The following EFCAB6 variants were observed in gnomAD, a reference collection of about 807,000 sequenced individuals.
EFCAB6 encodes EF-hand calcium-binding domain-containing protein 6.
EFCAB6 carries 156 observed loss-of-function variants against 169.8 expected under a neutral mutation model. The ratio of observed to expected loss-of-function variants is 0.92; its 90% CI spans 0.81 to 1.05. The LOEUF is 1.05. Among genes scored for constraint, EFCAB6 ranks in the 50% least tolerant of loss-of-function variants. The probability of loss-of-function intolerance (pLI) is 0.00; values close to 1 mark genes in which losing one functional copy is unlikely to be tolerated. For synonymous variants in EFCAB6, 698 were observed against 676.4 expected (o/e 1.03, Z -0.50); for missense variants, 1,800 against 1,829.1 (o/e 0.98, Z 0.29).
intron 4 of EFCAB6, among the ~76,000 whole-genome samples, chr22:43,765,716 A>G (rs1488273637): frequency 3.9e-5 from 6 of 152,244 alleles, no homozygotes; most frequent in Non-Finnish European, 5.9e-5. Context: ...TGTTACACAT[A>G]TAATACATAT....
At chr22:43,694,842 T>C (rs2058517125) in intron 10 of EFCAB6, among the ~76,000 whole-genome samples, 1 of 151,844 alleles carries the variant, frequency 6.6e-6, no homozygotes, top group Admixed American at 6.6e-5. Flanking sequence ...ACAAAAACAA[T>C]CCATTGCTAA....
chr22:43,786,923 T>C (rs942022559), intron 2 of EFCAB6, among the ~76,000 whole-genome samples: 1 of 152,014 alleles, frequency 6.6e-6, no homozygotes, highest in Non-Finnish European at 1.5e-5. Flanking sequence ...TCAATTAATG[T>C]GATAAACCAT....
intron 21 of EFCAB6, among the ~76,000 whole-genome samples, chr22:43,611,607 GGAAACATGGC>G (rs1327915568): frequency 2.6e-5 from 4 of 152,124 alleles, no homozygotes; most frequent in South Asian, 4.1e-4. Flanking sequence ...GACAAGTCTG[GGAAACATGGC>G]GAAACCCTAT....
intron 23 of EFCAB6, among the ~76,000 whole-genome samples, chr22:43,593,417 A>G (rs2051720222): frequency 6.6e-6 from 1 of 152,220 alleles, no homozygotes; most frequent in Non-Finnish European, 1.5e-5. Context: ...TCTCTCCTAG[A>G]GCCTCATTAC....
intron 7 of EFCAB6, 25 bp from the exon 8 acceptor site, chr22:43,731,836 A>C (rs766751137): frequency 3.5e-6 from 5 of 1,411,088 alleles, no homozygotes; most frequent in South Asian, 2.9e-5. Context: ...TTCTTTAGTA[A>C]TGAGAAATTA....
At chr22:43,779,648 G>A in intron 3 of EFCAB6, among the ~76,000 whole-genome samples, 1 of 152,146 alleles carries the variant, frequency 6.6e-6, no homozygotes, top group East Asian at 1.9e-4. Flanking sequence ...GCTGAGGCAG[G>A]AGAATCGCTT....
At chr22:43,802,742 G>A (rs528390524) in intron 2 of EFCAB6, 1 of 508,664 alleles carries the variant, frequency 2.0e-6, no homozygotes, top group Non-Finnish European at 3.9e-6. Flanking sequence ...AACAGACCGG[G>A]CACAGAAAGC....
At chr22:43,601,751 T>C (rs2052539824) in intron 22 of EFCAB6, among the ~76,000 whole-genome samples, 1 of 152,242 alleles carries the variant, frequency 6.6e-6, no homozygotes. Context: ...TGGGTAAATG[T>C]TGCTTCACGC....
chr22:43,616,643 G>A (rs1228085942), intron 20 of EFCAB6, among the ~76,000 whole-genome samples: 1 of 152,084 alleles, frequency 6.6e-6, no homozygotes, highest in East Asian at 1.9e-4. Flanking sequence ...CCAGCCTGGG[G>A]GAGAGCACGA....
chr22:43,742,667 C>A (rs746945163), intron 6 of EFCAB6, among the ~76,000 whole-genome samples: 74 of 152,266 alleles, frequency 4.9e-4, no homozygotes, highest in Non-Finnish European at 8.4e-4. Context: ...GTCCCAGCCC[C>A]ACTCTGCGCA....
chr22:43,540,872 A>G (rs1264543567), intron 27 of EFCAB6, among the ~76,000 whole-genome samples: 1 of 152,182 alleles, frequency 6.6e-6, no homozygotes, highest in Non-Finnish European at 1.5e-5. Flanking sequence ...TCACAAGATG[A>G]AAAGGGAGGC....
chr22:43,635,946 G>A (rs2055358972), intron 17 of EFCAB6, among the ~76,000 whole-genome samples: 2 of 152,218 alleles, frequency 1.3e-5, no homozygotes, highest in South Asian at 4.1e-4. Context: ...AGCTGCCTGC[G>A]TGGATGTGAG....
chr22:43,547,484 A>G (rs529715529), intron 27 of EFCAB6, among the ~76,000 whole-genome samples: 1 of 152,364 alleles, frequency 6.6e-6, no homozygotes, highest in South Asian at 2.1e-4. Flanking sequence ...TCACGCCTGT[A>G]ATCCCAGCAC....
intron 12 of EFCAB6, among the ~76,000 whole-genome samples, chr22:43,681,882 T>C (rs1280978945): frequency 1.3e-5 from 2 of 152,204 alleles, no homozygotes; most frequent in Non-Finnish European, 2.9e-5. Flanking sequence ...ACACCTGATT[T>C]AAATGTAAGT....
intron 15 of EFCAB6, among the ~76,000 whole-genome samples, chr22:43,671,540 C>A (rs1569354690): frequency 1.3e-5 from 2 of 152,158 alleles, no homozygotes; most frequent in African/African-American, 4.8e-5. Context: ...GTCTCAGTTC[C>A]ACAAGAGTTG....
At chr22:43,678,195 T>TG (rs1556036578) in intron 12 of EFCAB6, 32 bp from the exon 13 acceptor site, 15 of 1,397,960 alleles carry the variant, frequency 1.1e-5, no homozygotes, top group Admixed American at 2.4e-5. Flanking sequence ...AGGGAATTTT[T>TG]GAAAAAAAAA....
At chr22:43,691,736 T>C (rs1172082737) in intron 10 of EFCAB6, among the ~76,000 whole-genome samples, 1 of 151,982 alleles carries the variant, frequency 6.6e-6, no homozygotes, top group Non-Finnish European at 1.5e-5. Flanking sequence ...AATAAGAAAA[T>C]ACTAAAATTT....
At chr22:43,793,715 G>C (rs2062395995) in intron 2 of EFCAB6, among the ~76,000 whole-genome samples, 1 of 108,674 alleles carries the variant, frequency 9.2e-6, no homozygotes, top group African/African-American at 3.6e-5. Context: ...TACTCTGTGG[G>C]GTACCCATCT....
Position 43,668,912 on chromosome 22 carries a change from A to G in EFCAB6, c.1774T>C (p.Leu592=), listed in dbSNP as rs1293013228. 3 of 1,608,268 alleles carry G rather than the reference A, an allele frequency of 1.9e-6. No homozygotes were observed. Among genetic ancestry groups the G allele is most frequent in the East Asian group, 2.2e-5 (1 of 44,686 alleles). The part of the protein sequence containing the change: ...VPKDQLLSEH[L]QKDEQQQPDL... Reference sequence around the variant, plus strand: ...GGCTGCTGCTGTTCATCTTTTTGTAAATGTTCACTTAACAGCTGATCCTTT... The same window carrying G: ...GGCTGCTGCTGTTCATCTTTTTGTAGATGTTCACTTAACAGCTGATCCTTT... Residue 592 remains leucine (L), a synonymous_variant, in exon 16 of 32, where the codon TTA becomes CTA. Coordinates refer to ENST00000262726, the MANE Select transcript of EFCAB6 (RefSeq NM_022785.4).
Sources: gnomAD v4.1 joint callset for allele counts (sites outside exome capture counted in the v4.1 genomes callset) on GRCh38, gnomAD v4.1.1 for gene constraint, MANE v1.5 for transcripts, NCBI Gene and HGNC (gene_info 2026-07-23, HGNC 2026-07-21) for gene names.